Variants in COL22A1 observed in about 807,000 individuals in gnomAD.
COL22A1 encodes the protein collagen type XXII alpha 1 chain.
COL22A1 carries 221 observed loss-of-function variants against 248.9 expected under a neutral mutation model. The observed-to-expected ratio is 0.89, with a 90% CI of 0.80 to 0.99. The LOEUF (loss-of-function observed/expected upper bound fraction) is 0.99, where lower values mean the gene tolerates loss of function less well. Ranked by LOEUF, COL22A1 falls within the 50% of genes least tolerant of loss-of-function variation. The pLI, the probability that COL22A1 is intolerant of heterozygous loss-of-function variation, is 0.00. For synonymous variants in COL22A1, 891 were observed against 793.4 expected (o/e 1.12, Z -2.07); for missense variants, 2,240 against 2,179.0 (o/e 1.03, Z -0.56).
At chr8:138,628,874 T>C (rs983919845) in intron 50 of COL22A1, among the ~76,000 whole-genome samples, 4 of 150,962 alleles carry the variant, frequency 2.6e-5, no homozygotes, top group East Asian at 2.0e-4. Context: ...CAAGTGATTC[T>C]CCTGCCTCAC....
At chr8:138,638,616 A>G (rs1821401328) in intron 47 of COL22A1, among the ~76,000 whole-genome samples, 1 of 152,166 alleles carries the variant, frequency 6.6e-6, no homozygotes, top group Non-Finnish European at 1.5e-5. Flanking sequence ...AGTGCTAAAT[A>G]TCATTGTTTA....
chr8:138,629,101 G>A (rs531758480), intron 50 of COL22A1, among the ~76,000 whole-genome samples: 7 of 151,976 alleles, frequency 4.6e-5, no homozygotes, highest in South Asian at 2.1e-4. Flanking sequence ...GTGAACCACC[G>A]TGCCTGGCCC....
At chr8:138,632,012 G>T (rs553361564) in intron 49 of COL22A1, among the ~76,000 whole-genome samples, 1 of 152,144 alleles carries the variant, frequency 6.6e-6, no homozygotes, top group Non-Finnish European at 1.5e-5. Flanking sequence ...AACTGACTGG[G>T]TTATGAAGGC....
At chr8:138,710,607 C>CATAGA (rs1554597164) in intron 30 of COL22A1, among the ~76,000 whole-genome samples, 6 of 148,282 alleles carry the variant, frequency 4.0e-5, no homozygotes, top group Non-Finnish European at 7.4e-5. Context: ...ATCTATCTAT[C>CATAGA]TATATATATA....
intron 63 of COL22A1, among the ~76,000 whole-genome samples, chr8:138,592,063 T>TAACACACAG (rs1410408245): frequency 6.6e-6 from 1 of 152,196 alleles, no homozygotes; most frequent in Non-Finnish European, 1.5e-5. Context: ...CAGTGATAAG[T>TAACACACAG]AACACACAGC....
intron 12 of COL22A1, among the ~76,000 whole-genome samples, chr8:138,796,615 T>G (rs1816560767): frequency 6.6e-6 from 1 of 151,928 alleles, no homozygotes; most frequent in South Asian, 2.1e-4. Context: ...TGTCTCCACC[T>G]TCTCTCTTTC....
intron 23 of COL22A1, among the ~76,000 whole-genome samples, chr8:138,725,945 G>A (rs1057031775): frequency 1.3e-5 from 2 of 152,230 alleles, no homozygotes; most frequent in African/African-American, 2.4e-5. Flanking sequence ...TATGGGGTGA[G>A]TGGGTCTCGC....
chr8:138,676,096 A>G (rs1825481971), intron 41 of COL22A1, among the ~76,000 whole-genome samples: 1 of 152,030 alleles, frequency 6.6e-6, no homozygotes, highest in African/African-American at 2.4e-5. Context: ...CACCTAGTAG[A>G]CTGATGTGAA....
chr8:138,848,328 A>G (rs534510949), intron 3 of COL22A1, among the ~76,000 whole-genome samples: 3 of 152,314 alleles, frequency 2.0e-5, no homozygotes, highest in African/African-American at 4.8e-5. Flanking sequence ...GAAAAAAGGT[A>G]TCTCTTCACA....
At chr8:138,796,796 T>G in intron 12 of COL22A1, 23 bp downstream of exon 12, 1 of 1,532,310 alleles carries the variant, frequency 6.5e-7, no homozygotes, top group Middle Eastern at 1.7e-4. Context: ...CTTGGAGGAG[T>G]GTGATAAAAG....
At chr8:138,606,571 C>T in intron 57 of COL22A1, 119 bp from the exon 58 acceptor site, 2 of 965,068 alleles carry the variant, frequency 2.1e-6, no homozygotes, top group Non-Finnish European at 3.2e-6. Flanking sequence ...ACACACAAAT[C>T]CTCCCATGAT....
chr8:138,837,486 G>A (rs1408431187), intron 4 of COL22A1, among the ~76,000 whole-genome samples: 1 of 152,230 alleles, frequency 6.6e-6, no homozygotes, highest in Non-Finnish European at 1.5e-5. Context: ...CAATGCCCCA[G>A]AGGCTGCAGT....
chr8:138,877,659 T>C (rs1396240587), intron 3 of COL22A1, 91 bp downstream of exon 3: 1 of 1,315,712 alleles, frequency 7.6e-7, no homozygotes, highest in Non-Finnish European at 1.0e-6. Flanking sequence ...GAGCCGGCCG[T>C]AGGATCCCTA....
intron 3 of COL22A1, among the ~76,000 whole-genome samples, chr8:138,844,416 A>G (rs1245508660): frequency 1.3e-5 from 2 of 152,258 alleles, no homozygotes; most frequent in East Asian, 3.8e-4. Flanking sequence ...CCTGTCTATG[A>G]GGAATTCACA....
chr8:138,673,211 A>ATTTT (rs5895548), intron 41 of COL22A1, among the ~76,000 whole-genome samples: 3 of 138,346 alleles, frequency 2.2e-5, no homozygotes, highest in Non-Finnish European at 3.1e-5. Flanking sequence ...CAGCCGATCT[A>ATTTT]TTTTTTTTTT....
In COL22A1 at chr8:138,654,437, C is replaced by T. The variant is rs565104897; in HGVS notation, c.3333+1460G>A. On this transcript the variant is annotated intron_variant, in intron 45 of 64. Transcript: ENST00000303045. ...CATCTCAATTTACAGTGAGATTGAACGCCCCAGACTTCCGAGAAGGTTTTC... is the reference window on the plus strand; with the variant it reads ...CATCTCAATTTACAGTGAGATTGAATGCCCCAGACTTCCGAGAAGGTTTTC... Among the ~76,000 whole-genome samples the T allele has an allele frequency of 8.5e-5, 13 of 152,254 alleles. No individual in the cohort carries two copies. The South Asian group carries it at 1.0e-3, about 12-fold the overall frequency.
chr8:138,883,015 A>G, intron 2 of COL22A1, 67 bp downstream of exon 2: 2 of 1,373,940 alleles, frequency 1.5e-6, no homozygotes, highest in Non-Finnish European at 2.0e-6. Flanking sequence ...ACCACAGCCC[A>G]TGCTCACGGA....
intron 41 of COL22A1, among the ~76,000 whole-genome samples, chr8:138,666,953 A>C (rs139318519): frequency 1.3e-5 from 2 of 152,190 alleles, no homozygotes; most frequent in African/African-American, 2.4e-5. Context: ...CACTTTTCTC[A>C]ATTGTAATAC....
intron 41 of COL22A1, among the ~76,000 whole-genome samples, chr8:138,671,483 T>C (rs11784024): frequency 0.078 from 11,821 of 152,314 alleles, 622 homozygotes; most frequent in African/African-American, 0.14. Context: ...TGTGAGTATC[T>C]GCTTAAATGC....
Sources: gnomAD v4.1 joint callset for allele counts (sites outside exome capture counted in the v4.1 genomes callset) on GRCh38, gnomAD v4.1.1 for gene constraint, MANE v1.5 for transcripts, NCBI Gene and HGNC (gene_info 2026-07-23, HGNC 2026-07-21) for gene names.